LAMA3: variants seen among roughly 807,000 people sequenced by gnomAD.
LAMA3 encodes the protein laminin subunit alpha 3.
In LAMA3, 281 loss-of-function variants were observed where a neutral mutation model predicts 402.0. The ratio of observed to expected loss-of-function variants is 0.70; its 90% CI spans 0.63 to 0.77. The LOEUF is 0.77. Among genes scored for constraint, LAMA3 ranks in the 30% least tolerant of loss-of-function variants. The pLI is 0.00. For missense variants in LAMA3, 3,840 were observed against 4,215.5 expected (o/e 0.91, Z 2.47); for synonymous variants, 1,431 against 1,558.4 (o/e 0.92, Z 1.93).
At chr18:23,731,618 A>G (rs1363159402) in intron 2 of LAMA3, among the ~76,000 whole-genome samples, 1 of 152,212 alleles carries the variant, frequency 6.6e-6, no homozygotes, top group East Asian at 1.9e-4. Flanking sequence ...CCAGCTTTCC[A>G]GGGAGATGGT....
intron 21 of LAMA3, among the ~76,000 whole-genome samples, chr18:23,826,202 A>C (rs1050842519): frequency 6.6e-6 from 1 of 152,166 alleles, no homozygotes; most frequent in East Asian, 1.9e-4. Flanking sequence ...TCAGTGGAAC[A>C]TGTTCTTCCT....
At chr18:23,812,366 G>A (rs1297219663) in intron 13 of LAMA3, among the ~76,000 whole-genome samples, 1 of 152,110 alleles carries the variant, frequency 6.6e-6, no homozygotes, top group African/African-American at 2.4e-5. Flanking sequence ...GAGAGAGAAT[G>A]AAAATCATCA....
intron 5 of LAMA3, 108 bp downstream of exon 5, chr18:23,751,196 T>A: frequency 1.9e-6 from 2 of 1,044,478 alleles, no homozygotes; most frequent in Non-Finnish European, 3.0e-6. Flanking sequence ...TGTAATGATG[T>A]AGGTGTGGGA....
intron 44 of LAMA3, among the ~76,000 whole-genome samples, chr18:23,896,906 G>C (rs1049906728): frequency 3.3e-5 from 5 of 152,064 alleles, no homozygotes. Context: ...AAAGAAAGGG[G>C]AACTCCCACC....
At chr18:23,772,455 G>C (rs1469001516) in intron 8 of LAMA3, among the ~76,000 whole-genome samples, 2 of 152,216 alleles carry the variant, frequency 1.3e-5, no homozygotes, top group Non-Finnish European at 2.9e-5. Flanking sequence ...GCAAACAACA[G>C]ATTTGAGGGT....
At chr18:23,886,356 G>A (rs1400914599) in intron 41 of LAMA3, among the ~76,000 whole-genome samples, 3 of 152,198 alleles carry the variant, frequency 2.0e-5, no homozygotes, top group Middle Eastern at 3.2e-3. Flanking sequence ...GCTAATTAGG[G>A]CCAAGCATGG....
At chr18:23,801,384 A>C (rs1326856219) in intron 12 of LAMA3, among the ~76,000 whole-genome samples, 2 of 152,150 alleles carry the variant, frequency 1.3e-5, no homozygotes, top group African/African-American at 2.4e-5. Flanking sequence ...GGTTTCATAC[A>C]CCAAACCTCA....
At chr18:23,773,707 T>C in intron 9 of LAMA3, 120 bp downstream of exon 9, 1 of 721,616 alleles carries the variant, frequency 1.4e-6, no homozygotes, top group Admixed American at 2.0e-5. Context: ...GAGTATTAGT[T>C]GTGCTCGCTA....
intron 8 of LAMA3, among the ~76,000 whole-genome samples, chr18:23,764,706 G>A (rs113387948): frequency 3.0e-4 from 45 of 151,766 alleles, no homozygotes; most frequent in African/African-American, 8.7e-4. Flanking sequence ...TTTAGGTAGC[G>A]TAATTAACTT....
At chr18:23,801,038 A>G (rs1262629534) in intron 12 of LAMA3, among the ~76,000 whole-genome samples, 1 of 152,152 alleles carries the variant, frequency 6.6e-6, no homozygotes, top group East Asian at 1.9e-4. Context: ...ATCAATCTAG[A>G]TGCCCATCGA....
intron 52 of LAMA3, among the ~76,000 whole-genome samples, chr18:23,907,091 T>G (rs994881934): frequency 1.3e-5 from 2 of 152,266 alleles, no homozygotes; most frequent in African/African-American, 4.8e-5. Context: ...TCTTGTCCTC[T>G]GATGGAAGAG....
intron 60 of LAMA3, among the ~76,000 whole-genome samples, chr18:23,920,481 T>G (rs1159051000): frequency 6.6e-6 from 1 of 151,920 alleles, no homozygotes; most frequent in Non-Finnish European, 1.5e-5. Flanking sequence ...CCCCCAACAC[T>G]GACATGGAAG....
intron 19 of LAMA3, 87 bp from the exon 20 acceptor site, chr18:23,822,165 A>G (rs2063297931): frequency 1.4e-6 from 2 of 1,446,690 alleles, no homozygotes; most frequent in East Asian, 4.6e-5. Flanking sequence ...TCCAGTAGTG[A>G]CACTTGAATA....
At chr18:23,840,078 CTG>C in intron 27 of LAMA3, 149 bp downstream of exon 27, 1 of 862,108 alleles carries the variant, frequency 1.2e-6, no homozygotes, top group Non-Finnish European at 1.9e-6. Context: ...GCCCAGGAAT[CTG>C]TGTTTTAACA....
At chr18:23,824,369 C>T (rs1361790001) in intron 20 of LAMA3, 54 bp from the exon 21 acceptor site, 8 of 1,586,878 alleles carry the variant, frequency 5.0e-6, no homozygotes, top group East Asian at 2.2e-5. Context: ...TATCTAAAAT[C>T]ATAACACTGA....
At chr18:23,817,579 G>A (rs1434666937) in intron 18 of LAMA3, among the ~76,000 whole-genome samples, 2 of 152,174 alleles carry the variant, frequency 1.3e-5, no homozygotes, top group African/African-American at 4.8e-5. Context: ...GGCAGGCACT[G>A]TGGCACATGC....
At chr18:23,843,412 G>A (rs767105104) in intron 29 of LAMA3, among the ~76,000 whole-genome samples, 22 of 152,178 alleles carry the variant, frequency 1.4e-4, no homozygotes, top group Non-Finnish European at 1.3e-4. Flanking sequence ...GAGTCATGCT[G>A]ACCCCCCTTC....
Position 23,909,201 on chromosome 18 carries a change from G to A in LAMA3, c.7064G>A (p.Ser2355Asn). The A allele has an allele frequency of 6.2e-7, 1 of 1,613,968 alleles. No homozygotes were observed. The highest frequency in any genetic ancestry group is 1.3e-5 in the African/African-American group (1 of 75,034). Reference sequence around the variant, plus strand: ...CCTGATCTTTGGCGCAAGATTGAAAGTATCAACCAACAGCTGTTGCCCTTG... The same window carrying A: ...CCTGATCTTTGGCGCAAGATTGAAAATATCAACCAACAGCTGTTGCCCTTG... ...KLPDLWRKIE[S>N]INQQLLPLGN... is the part of the protein sequence containing the mutation. The change falls in exon 55 of 75, where the codon AGT (serine) becomes AAT (asparagine). Residue 2355 changes from serine (S) to asparagine (N), a missense_variant. By Grantham distance (46) the Ser-to-Asn change is conservative. This residue lies in a region of LAMA3 where 891 missense variants were observed against 857.5 expected (regional missense o/e 1.04). Coordinates refer to ENST00000313654, the MANE Select transcript of LAMA3 (RefSeq NM_198129.4).
At chr18:23,823,088 C>T (rs2063318357) in intron 20 of LAMA3, among the ~76,000 whole-genome samples, 3 of 152,202 alleles carry the variant, frequency 2.0e-5, no homozygotes, top group African/African-American at 4.8e-5. Context: ...TAAGCATCCA[C>T]GGTTCATTCA....
Sources: allele counts gnomAD v4.1 joint callset (sites outside exome capture counted in the v4.1 genomes callset), GRCh38; gene constraint gnomAD v4.1.1; regional missense constraint gnomAD v4.1.1; transcripts MANE v1.5; gene names NCBI Gene and HGNC (gene_info 2026-07-23, HGNC 2026-07-21).